Variants in PPP2R2D observed in about 807,000 individuals in gnomAD.
PPP2R2D encodes the protein serine/threonine-protein phosphatase 2A 55 kDa regulatory subunit B delta isoform.
Under a neutral mutation model 31.1 loss-of-function variants are expected in PPP2R2D, and 9 were observed. That is an observed-to-expected ratio of 0.29 (90% confidence interval 0.17 to 0.51). The LOEUF is 0.51. Among genes scored for constraint, PPP2R2D ranks in the 20% least tolerant of loss-of-function variants. PPP2R2D has a pLI of 0.98. For missense variants in PPP2R2D, 391 were observed against 465.6 expected, an observed-to-expected ratio of 0.84 and a Z score of 1.48; for synonymous variants, 179 against 172.6, an observed-to-expected ratio of 1.04 and a Z score of -0.29.
At chr10:131,907,957 T>G (rs2035623942) in intron 2 of PPP2R2D, among the ~76,000 whole-genome samples, 1 of 152,186 alleles carries the variant, frequency 6.6e-6, no homozygotes, top group African/African-American at 2.4e-5. Flanking sequence ...GTCTGCTGTT[T>G]TCAACTCTGA....
At chr10:131,909,778 GGTTATCGCTGTT>G (rs2035653113) in intron 2 of PPP2R2D, among the ~76,000 whole-genome samples, 1 of 152,116 alleles carries the variant, frequency 6.6e-6, no homozygotes, top group South Asian at 2.1e-4. Flanking sequence ...TGTTTGTGCT[GGTTATCGCTGTT>G]GATGTTTTCT....
chr10:131,915,636 A>C (rs1221332011), intron 2 of PPP2R2D, among the ~76,000 whole-genome samples: 1 of 152,176 alleles, frequency 6.6e-6, no homozygotes, highest in African/African-American at 2.4e-5. Context: ...AAATAGATCC[A>C]TGGGTTGCCT....
In PPP2R2D at chr10:131,958,687, G is replaced by T. The variant is rs145295764; in HGVS notation, c.*2724G>T. Reference sequence around the variant, plus strand: ...AGATGAAGATGTGTGCTGATCCCCCGTCCTCCTGTGGAGATGAAGGTGTGT... The same window carrying T: ...AGATGAAGATGTGTGCTGATCCCCCTTCCTCCTGTGGAGATGAAGGTGTGT... On this transcript the variant is annotated 3_prime_UTR_variant, in exon 9 of 9. Coordinates refer to ENST00000455566, the MANE Select transcript of PPP2R2D (RefSeq NM_018461.5). 6 of 99,646 alleles carry T rather than the reference G, an allele frequency of 6.0e-5. 1 individual carries two copies. The East Asian group carries it at 2.8e-3, about 46-fold the overall frequency. The allele number at this position is 99,646 out of a possible 1,614,324, so 6.2% of individuals were successfully genotyped here.
chr10:131,962,086 G>T (rs2036927950), downstream of PPP2R2D, among the ~76,000 whole-genome samples: 1 of 152,216 alleles, frequency 6.6e-6, no homozygotes, highest in South Asian at 2.1e-4. Flanking sequence ...CGATGATTTT[G>T]TATAAATATC....
chr10:131,905,549 C>T (rs952321793), intron 2 of PPP2R2D, among the ~76,000 whole-genome samples: 4 of 152,172 alleles, frequency 2.6e-5, no homozygotes, highest in African/African-American at 9.7e-5. Context: ...GTAGAGGACC[C>T]AGCACGAAGG....
At position 131,958,723 on chromosome 10, in the gene PPP2R2D, C is replaced by T. The variant is rs375871682; in HGVS notation, c.*2760C>T. ...GAGATGAAGGTGTGTGCTGCTTCCT[C>T]GTGCCCCTGTGGAGATGGAGGTGTG... On this transcript the variant is annotated 3_prime_UTR_variant, in exon 9 of 9. Transcript: ENST00000455566. 1.9e-5 allele frequency: 5 copies of T among 257,396 alleles called. No individual in the cohort carries two copies. Among genetic ancestry groups the T allele is most frequent in the Non-Finnish European group, 3.7e-5 (5 of 134,124 alleles). The allele number at this position is 257,396 out of a possible 1,614,324, so 15.9% of individuals were successfully genotyped here.
the PPP2R2D span, chr10:131,968,637 CAG>C: frequency 2.8e-6 from 4 of 1,409,104 alleles, no homozygotes; most frequent in East Asian, 2.3e-5. Context: ...ACAGCTGAAA[CAG>C]GGTAGCTCAC....
At chr10:131,970,219 T>G in the PPP2R2D span, 2 of 181,128 alleles carry the variant, frequency 1.1e-5, no homozygotes, top group Non-Finnish European at 2.3e-5. This position sits in a 1 kb window ranked among gnomAD's most constrained non-coding sequence, Gnocchi z 4.1. Flanking sequence ...TTGCTGAGAG[T>G]TACTAGAACA....
At position 131,955,660 on chromosome 10, in the gene PPP2R2D, G is replaced by A. The variant is rs781812251; in HGVS notation, c.1083-24G>A. 6.4e-6 allele frequency: 9 copies of A among 1,403,260 alleles called. No homozygotes were observed. In the Admixed American group the frequency reaches 1.8e-4, roughly 28 times the overall value. 86.9% of individuals were successfully genotyped at this position (1,403,260 alleles called of 1,614,324 possible). A position where few individuals can be genotyped will look rare whatever the true frequency, so the allele number is the denominator to read the frequency against. On this transcript the variant is annotated intron_variant, in intron 8 of 8. Coordinates refer to ENST00000455566, the MANE Select transcript of PPP2R2D (RefSeq NM_018461.5). ...GCCGCTCCCCCCACTGAGGAGTGCT[G>A]CTGTCTGCTCTTGTTTTGAACAGCG...
At chr10:131,922,667 T>G (rs987087335) in intron 2 of PPP2R2D, among the ~76,000 whole-genome samples, 1 of 152,014 alleles carries the variant, frequency 6.6e-6, no homozygotes, top group African/African-American at 2.4e-5. Flanking sequence ...AGGCTGGTCT[T>G]GAACTCCTGA....
Position 131,945,392 on chromosome 10 carries a change from C to T in PPP2R2D, c.753C>T (p.Ser251=). ...ACCAGTGCAACGTGTTCGTCTACAG[C>T]AGTAGCAAAGGGACCATCCGCCTGT... is the stretch of plus-strand genomic sequence containing the variant. ...HPHQCNVFVY[S]SSKGTIRLCD... is the part of the protein sequence containing the mutation. The change falls in exon 7 of 9, where the codon AGC becomes AGT. Residue 251 remains serine, a synonymous_variant. Coordinates refer to ENST00000455566, the MANE Select transcript of PPP2R2D (RefSeq NM_018461.5). The surrounding 1 kb of genome is among the most constrained non-coding windows in gnomAD (Gnocchi z 4.8). 1 of 1,614,204 alleles carries T rather than the reference C, an allele frequency of 6.2e-7. No homozygotes were observed. The highest frequency in any genetic ancestry group is 2.2e-5 in the East Asian group (1 of 44,890).
intron 2 of PPP2R2D, among the ~76,000 whole-genome samples, chr10:131,928,565 A>C (rs992722455): frequency 6.6e-6 from 1 of 152,162 alleles, no homozygotes; most frequent in Non-Finnish European, 1.5e-5. Flanking sequence ...TATGCTTTTC[A>C]AGAGCTTCCT....
At chr10:131,907,134 G>C (rs1720431161) in intron 2 of PPP2R2D, among the ~76,000 whole-genome samples, 1 of 151,910 alleles carries the variant, frequency 6.6e-6, no homozygotes, top group African/African-American at 2.4e-5. Flanking sequence ...TGCAAAACTT[G>C]TCAGTCATAT....
intron 8 of PPP2R2D, among the ~76,000 whole-genome samples, chr10:131,952,868 C>A (rs1253397257): frequency 1.3e-4 from 3 of 23,538 alleles, no homozygotes; most frequent in Non-Finnish European, 7.0e-5. Flanking sequence ...GGGGGGGGTC[C>A]CTGTCTTATC....
At chr10:131,908,115 T>G (rs2035627289) in intron 2 of PPP2R2D, among the ~76,000 whole-genome samples, 2 of 152,238 alleles carry the variant, frequency 1.3e-5, no homozygotes, top group South Asian at 4.1e-4. Flanking sequence ...TTTTAAAGTA[T>G]TGGGGCTTGG....
intron 2 of PPP2R2D, among the ~76,000 whole-genome samples, chr10:131,930,199 C>T (rs2036194490): frequency 6.6e-6 from 1 of 152,114 alleles, no homozygotes; most frequent in Admixed American, 6.5e-5. Context: ...TTCTCATATG[C>T]TTAGTTATCT....
chr10:131,941,594 A>T (rs1315747473), intron 5 of PPP2R2D, among the ~76,000 whole-genome samples: 1 of 152,124 alleles, frequency 6.6e-6, no homozygotes, highest in Admixed American at 6.5e-5. Flanking sequence ...TTGGTTTTTA[A>T]TGAGATTTCA....
intron 2 of PPP2R2D, among the ~76,000 whole-genome samples, chr10:131,925,369 G>A (rs551785935): frequency 6.6e-6 from 1 of 152,274 alleles, no homozygotes; most frequent in Admixed American, 6.5e-5. Context: ...TGTTGGATTT[G>A]TTAAATGCTT....
intron 5 of PPP2R2D, 21 bp from the exon 6 acceptor site, chr10:131,943,947 C>A: frequency 1.2e-6 from 1 of 801,078 alleles, no homozygotes; most frequent in Non-Finnish European, 2.3e-6. Flanking sequence ...GTTTTGAATT[C>A]CTATTTCCTT....
Sources: gnomAD v4.1 joint callset for allele counts (sites outside exome capture counted in the v4.1 genomes callset) on GRCh38, gnomAD v4.1.1 for gene constraint, Gnocchi (gnomAD v3.1) non-coding constraint, MANE v1.5 for transcripts, NCBI Gene and HGNC (gene_info 2026-07-23, HGNC 2026-07-21) for gene names.